DSCAM: variants seen among roughly 807,000 people sequenced by gnomAD.
The protein encoded by DSCAM is cell adhesion molecule DSCAM.
DSCAM carries 47 observed loss-of-function variants against 217.7 expected under a neutral mutation model. The observed-to-expected ratio is 0.22, with a 90% CI of 0.17 to 0.28. The LOEUF is 0.28. Among genes scored for constraint, DSCAM ranks in the 10% least tolerant of loss-of-function variants. The pLI is 1.00. For missense variants in DSCAM, 2,080 were observed against 2,618.3 expected, an observed-to-expected ratio of 0.79 and a Z score of 4.49; for synonymous variants, 1,056 against 1,015.3, an observed-to-expected ratio of 1.04 and a Z score of -0.76.
chr21:40,749,862 TA>T (rs1349280511), intron 1 of DSCAM, among the ~76,000 whole-genome samples: 1 of 152,104 alleles, frequency 6.6e-6, no homozygotes, highest in East Asian at 1.9e-4. Context: ...GGGCGGCCTG[TA>T]ACTGTCTGAA....
chr21:40,377,031 A>C (rs1254066229), intron 3 of DSCAM, among the ~76,000 whole-genome samples: 2 of 152,246 alleles, frequency 1.3e-5, no homozygotes, highest in East Asian at 3.9e-4. Flanking sequence ...CCCTAATCCA[A>C]TGTGACCGGT....
chr21:40,174,553 G>GA (rs1192417118), intron 15 of DSCAM, among the ~76,000 whole-genome samples: 3 of 144,086 alleles, frequency 2.1e-5, no homozygotes, highest in Admixed American at 6.9e-5. Flanking sequence ...TTTTAAAGAT[G>GA]AAAAAACTAT....
At position 40,268,543 on chromosome 21, in the gene DSCAM, T is replaced by TAA. The variant is rs57835052; in HGVS notation, c.2356+7552_2356+7553dup. On this transcript the variant is annotated intron_variant, in intron 11 of 32. Transcript: ENST00000400454. ...GAAATAGGCGCAATTACCCCAAAGT[T>TAA]AAAAAAAATAATAACATTTTAGTTG... 9.9e-5 allele frequency among the ~76,000 whole-genome samples: 15 copies of TAA among 151,824 alleles called. 1 individual carries two copies. Among genetic ancestry groups the TAA allele is most frequent in the African/African-American group, 3.6e-4 (15 of 41,324 alleles).
intron 9 of DSCAM, among the ~76,000 whole-genome samples, chr21:40,304,360 G>A (rs2074048742): frequency 6.6e-6 from 1 of 152,224 alleles, no homozygotes; most frequent in Non-Finnish European, 1.5e-5. Context: ...TATCAAGCTT[G>A]TACTTAAGGG....
At chr21:40,727,564 T>TC (rs1185206519) in intron 1 of DSCAM, among the ~76,000 whole-genome samples, 1 of 152,058 alleles carries the variant, frequency 6.6e-6, no homozygotes, top group Non-Finnish European at 1.5e-5. Flanking sequence ...CATCAATAAG[T>TC]CTCTTAGCTG....
chr21:40,429,271 T>TG (rs1319798304), intron 3 of DSCAM, among the ~76,000 whole-genome samples: 2 of 138,582 alleles, frequency 1.4e-5, no homozygotes, highest in African/African-American at 5.8e-5. Context: ...TTTTTTGTGC[T>TG]TTTTTTTTTT....
intron 9 of DSCAM, among the ~76,000 whole-genome samples, chr21:40,304,022 A>C (rs1322481595): frequency 6.6e-6 from 1 of 152,172 alleles, no homozygotes; most frequent in East Asian, 1.9e-4. Context: ...CGTTATTTCT[A>C]ATACCTTAAT....
intron 3 of DSCAM, among the ~76,000 whole-genome samples, chr21:40,605,198 G>A (rs952223464): frequency 6.6e-6 from 1 of 152,122 alleles, no homozygotes; most frequent in Non-Finnish European, 1.5e-5. Flanking sequence ...GCAATTCATT[G>A]AACTTACCAT....
chr21:40,307,649 C>A (rs1233403581), intron 9 of DSCAM, among the ~76,000 whole-genome samples: 4 of 152,116 alleles, frequency 2.6e-5, no homozygotes, highest in Non-Finnish European at 5.9e-5. Context: ...TTTATTGAGG[C>A]ACTATTCACA....
rs186987343 is a variant in DSCAM at position 40,412,371 on chromosome 21, G to C, written c.509-43126C>G. ...AGACAGGAAAATATGGGAAAGTTTG[G>C]AACTCCCTAGAGCCTAGTTGAATGG... On this transcript the variant is annotated intron_variant, in intron 3 of 32. Coordinates refer to ENST00000400454, the MANE Select transcript of DSCAM (RefSeq NM_001389.5). 1.8e-3 allele frequency among the ~76,000 whole-genome samples: 281 copies of C among 152,294 alleles called. 1 individual carries two copies. Among genetic ancestry groups the C allele is most frequent in the African/African-American group, 6.5e-3 (271 of 41,576 alleles).
At chr21:40,127,435 G>A (rs1210400040) in intron 19 of DSCAM, among the ~76,000 whole-genome samples, 1 of 152,188 alleles carries the variant, frequency 6.6e-6, no homozygotes, top group Non-Finnish European at 1.5e-5. Flanking sequence ...TTCTTATGAA[G>A]GTCAAAACAA....
At chr21:40,134,386 G>C (rs915774886) in intron 18 of DSCAM, among the ~76,000 whole-genome samples, 1 of 152,150 alleles carries the variant, frequency 6.6e-6, no homozygotes, top group Admixed American at 6.5e-5. Context: ...ACACACACAC[G>C]CTGCACACTT....
intron 1 of DSCAM, among the ~76,000 whole-genome samples, chr21:40,755,844 G>A (rs2091270348): frequency 6.6e-6 from 1 of 152,178 alleles, no homozygotes; most frequent in Non-Finnish European, 1.5e-5. Context: ...CTTCATGCAT[G>A]TCCTTTGCAA....
chr21:40,761,249 C>T (rs1344523490), intron 1 of DSCAM, among the ~76,000 whole-genome samples: 4 of 152,144 alleles, frequency 2.6e-5, no homozygotes, highest in East Asian at 1.9e-4. Context: ...TCTCCCAGCT[C>T]GGTACCTGTT....
At chr21:40,439,910 T>C (rs1169464270) in intron 3 of DSCAM, among the ~76,000 whole-genome samples, 2 of 152,108 alleles carry the variant, frequency 1.3e-5, no homozygotes, top group African/African-American at 4.8e-5. Context: ...CCACAACACA[T>C]GGGAATTCAA....
Position 40,551,997 on chromosome 21 carries a change from G to C in DSCAM, c.508+140813C>G, listed in dbSNP as rs145325219. ...ACAGTAAGGAGGCAGCTGATGTAAA[G>C]AGATAAACTCAGAAAAATTGTAAGA... On this transcript the variant is annotated intron_variant, in intron 3 of 32. Transcript: ENST00000400454. 1.1e-4 allele frequency among the ~76,000 whole-genome samples: 16 copies of C among 152,256 alleles called. 1 individual carries two copies. The East Asian group carries it at 3.1e-3, about 29-fold the overall frequency.
intron 3 of DSCAM, among the ~76,000 whole-genome samples, chr21:40,622,978 A>T (rs2089543116): frequency 6.6e-6 from 1 of 152,178 alleles, no homozygotes; most frequent in African/African-American, 2.4e-5. Flanking sequence ...ATTTCAACTT[A>T]TTACTAAATT....
intron 1 of DSCAM, among the ~76,000 whole-genome samples, chr21:40,720,270 T>C (rs978432409): frequency 1.3e-5 from 2 of 152,190 alleles, no homozygotes; most frequent in African/African-American, 4.8e-5. Context: ...GAATATAACT[T>C]AGCCTTAGGT....
intron 27 of DSCAM, among the ~76,000 whole-genome samples, chr21:40,070,256 GGGAGGGAGGGAGGGAGTGAA>G (rs1315462299): frequency 3.4e-5 from 5 of 145,082 alleles, no homozygotes; most frequent in Non-Finnish European, 4.6e-5. Context: ...TAGGGAAGGA[GGGAGGGAGGGAGGGAGTGAA>G]GGAGGGAGGG....
Sources: gnomAD v4.1 joint callset for allele counts (sites outside exome capture counted in the v4.1 genomes callset) on GRCh38, gnomAD v4.1.1 for gene constraint, MANE v1.5 for transcripts, NCBI Gene and HGNC (gene_info 2026-07-23, HGNC 2026-07-21) for gene names.